Variants in SHANK2 observed in about 807,000 individuals in gnomAD.
SHANK2 encodes SH3 and multiple ankyrin repeat domains 2, also known as SH3 and multiple ankyrin repeat domains protein 2.
A neutral mutation model predicts 133.7 loss-of-function variants in SHANK2; 43 were observed. That is an observed-to-expected ratio of 0.32 (90% CI 0.25 to 0.41). SHANK2 has a LOEUF of 0.41. Among genes scored for constraint, SHANK2 ranks in the 10% least tolerant of loss-of-function variants. SHANK2 has a pLI of 1.00. For synonymous variants in SHANK2, 1,017 were observed against 952.8 expected (o/e 1.07, Z -1.24); for missense variants, 1,994 against 2,235.8 (o/e 0.89, Z 2.18).
Position 70,661,681 on chromosome 11 carries a change from G to A in SHANK2, c.1854-3C>T, listed in dbSNP as rs782281076. ...TCTTCTCCTCAATAATGCAGTCACT[G>A]TAGAGAGAATTCCGGGGACAGCGAC... On this transcript the variant is annotated splice_region_variant and splice_polypyrimidine_tract_variant and intron_variant, in intron 15 of 25. Coordinates refer to ENST00000601538, the MANE Select transcript of SHANK2 (RefSeq NM_012309.5). The A allele has an allele frequency of 3.7e-6, 6 of 1,614,144 alleles. No individual in the cohort carries two copies. The South Asian group carries it at 4.4e-5, about 12-fold the overall frequency.
intron 11 of SHANK2, among the ~76,000 whole-genome samples, chr11:70,846,732 A>C (rs1433291524): frequency 8.5e-5 from 13 of 152,194 alleles, no homozygotes; most frequent in Admixed American, 2.6e-4. Flanking sequence ...GCTCCCGGCC[A>C]CACAGCTGGG....
intron 16 of SHANK2, among the ~76,000 whole-genome samples, chr11:70,660,868 A>G (rs1281724186): frequency 1.3e-5 from 2 of 152,250 alleles, no homozygotes; most frequent in East Asian, 1.9e-4. Flanking sequence ...GTAAGCTCCA[A>G]GATGAAACTT....
chr11:70,764,363 C>T (rs929493219), intron 14 of SHANK2, among the ~76,000 whole-genome samples: 2 of 149,740 alleles, frequency 1.3e-5, no homozygotes, highest in African/African-American at 4.9e-5. Context: ...ACCCACCCAT[C>T]CATCCACATA....
chr11:70,557,708 T>C (rs1417094322), intron 17 of SHANK2, among the ~76,000 whole-genome samples: 9 of 152,264 alleles, frequency 5.9e-5, no homozygotes, highest in African/African-American at 2.2e-4. Context: ...GAAAGCCCCC[T>C]GACCTGGGCT....
chr11:70,611,336 G>C (rs1434516799), intron 17 of SHANK2, among the ~76,000 whole-genome samples: 1 of 152,142 alleles, frequency 6.6e-6, no homozygotes, highest in Non-Finnish European at 1.5e-5. Flanking sequence ...GGTGAGGCGG[G>C]GCCAGCAGCC....
At chr11:70,507,264 T>TATCA (rs1336659012) in intron 17 of SHANK2, among the ~76,000 whole-genome samples, 4 of 152,234 alleles carry the variant, frequency 2.6e-5, no homozygotes, top group Admixed American at 6.5e-5. Context: ...AGAAAACTGC[T>TATCA]ATCACTGCCT....
At chr11:70,783,707 G>C (rs1555045757) in intron 14 of SHANK2, among the ~76,000 whole-genome samples, 1 of 152,152 alleles carries the variant, frequency 6.6e-6, no homozygotes, top group Non-Finnish European at 1.5e-5. Context: ...GGTGGGGTTG[G>C]GGGTGCTGGG....
chr11:70,944,044 T>G (rs562970129), intron 10 of SHANK2: 34 of 445,430 alleles, frequency 7.6e-5, no homozygotes, highest in African/African-American at 6.4e-4. Flanking sequence ...GTGTTTATGC[T>G]ATTATGGCTA....
intron 6 of SHANK2, among the ~76,000 whole-genome samples, chr11:71,106,378 G>C (rs1555097908): frequency 6.6e-6 from 1 of 152,210 alleles, no homozygotes; most frequent in Admixed American, 6.5e-5. Context: ...GAGGTGAGAG[G>C]ACTGCTTGAG....
chr11:70,546,415 A>T (rs1032247921), intron 17 of SHANK2, among the ~76,000 whole-genome samples: 1 of 152,112 alleles, frequency 6.6e-6, no homozygotes, highest in Admixed American at 6.6e-5. Context: ...TCCCCTAAGT[A>T]TCATCTCATT....
rs2058592746 is a variant in SHANK2, at chr11:70,471,099, A to C, written c.*1770T>G. On this transcript the variant is annotated 3_prime_UTR_variant, in exon 26 of 26. Transcript: ENST00000601538. This position sits in a 1 kb window ranked among gnomAD's most constrained non-coding sequence, Gnocchi z 4.1. The stretch of plus-strand genomic sequence containing the variant: ...TTTTTCTTTAACTTTCTAGCACTGA[A>C]GTGGCACAAAGGCTGCCTAGTAGAC... The C allele has an allele frequency of 1.0e-5, 4 of 396,314 alleles. No individual in the cohort carries two copies. The Admixed American group carries it at 1.8e-4, about 18-fold the overall frequency. The allele number at this position is 396,314 out of a possible 1,614,324, so 24.5% of individuals were successfully genotyped here. A position where few individuals can be genotyped will look rare whatever the true frequency, so the allele number is the denominator to read the frequency against.
At chr11:70,754,415 T>G (rs1481849028) in intron 14 of SHANK2, among the ~76,000 whole-genome samples, 2 of 152,214 alleles carry the variant, frequency 1.3e-5, no homozygotes, top group Non-Finnish European at 2.9e-5. Context: ...CATGAGCAAG[T>G]GTGCTTTATC....
Position 70,473,910 on chromosome 11 carries a change from G to GC in SHANK2, c.4980-472dup, listed in dbSNP as rs2058629787. The stretch of plus-strand genomic sequence containing the variant: ...GAACGTGCCAGGCAACATCTCCAGC[G>GC]CCTCAGCTTCAGCAGGTGGGAAGGA... On this transcript the variant is annotated intron_variant, in intron 25 of 25. Coordinates refer to ENST00000601538, the MANE Select transcript of SHANK2 (RefSeq NM_012309.5). This position sits in a 1 kb window ranked among gnomAD's most constrained non-coding sequence, Gnocchi z 5.9. 1 of 248,142 alleles carries GC rather than the reference G, an allele frequency of 4.0e-6. No individual in the cohort carries two copies. The highest frequency in any genetic ancestry group is 2.2e-5 in the African/African-American group (1 of 45,920). The allele number at this position is 248,142 out of a possible 1,614,324, so 15.4% of individuals were successfully genotyped here.
In SHANK2 at chr11:70,485,278, C is replaced by T; in HGVS notation, c.4979+36G>A. On this transcript the variant is annotated intron_variant, in intron 25 of 25. Coordinates refer to ENST00000601538, the MANE Select transcript of SHANK2 (RefSeq NM_012309.5). The surrounding 1 kb of genome is among the most constrained non-coding windows in gnomAD (Gnocchi z 5.8). ...TCCTGGTCAGCAGGGACAGTGCACG[C>T]AGAGCGGTGTGCATGTGCACCAACC... 6.4e-7 allele frequency: 1 copy of T among 1,569,308 alleles called. No individual in the cohort carries two copies.
At position 70,489,787 on chromosome 11, in the gene SHANK2, A is replaced by T. The variant is rs1434131420; in HGVS notation, c.2552-439T>A. 1.4e-5 allele frequency: 4 copies of T among 280,462 alleles called. No individual in the cohort carries two copies. In the Admixed American group the frequency reaches 2.0e-4, roughly 14 times the overall value. 17.4% of individuals were successfully genotyped at this position (280,462 alleles called of 1,614,324 possible). On this transcript the variant is annotated intron_variant, in intron 23 of 25. Transcript: ENST00000601538. ...GGAATAATTGTGACATTAAGAAGAA[A>T]GGAAGGCAGTTTTCTGCAACACACA...
At chr11:70,815,034 G>C (rs1394519858) in intron 12 of SHANK2, among the ~76,000 whole-genome samples, 1 of 152,216 alleles carries the variant, frequency 6.6e-6, no homozygotes, top group African/African-American at 2.4e-5. Context: ...CAGGACAGTG[G>C]TCCAGCAGTG....
At chr11:70,846,264 GTATTAT>G (rs10610192) in intron 11 of SHANK2, among the ~76,000 whole-genome samples, 5,301 of 151,842 alleles carry the variant, frequency 0.035, 267 homozygotes, top group African/African-American at 0.12. Context: ...CTGTAAATTA[GTATTAT>G]TATTATTATT....
chr11:71,136,720 A>G (rs1344100463), intron 3 of SHANK2, among the ~76,000 whole-genome samples: 3 of 152,238 alleles, frequency 2.0e-5, no homozygotes, highest in Admixed American at 2.0e-4. Flanking sequence ...CCACACAGAC[A>G]GAAAGTGGCT....
intron 17 of SHANK2, among the ~76,000 whole-genome samples, chr11:70,508,211 T>C (rs2059158476): frequency 6.6e-6 from 1 of 152,198 alleles, no homozygotes; most frequent in South Asian, 2.1e-4. Flanking sequence ...GGGTGGATGG[T>C]GCCCACGTGC....
Sources: gnomAD v4.1 joint callset for allele counts (sites outside exome capture counted in the v4.1 genomes callset) on GRCh38, gnomAD v4.1.1 for gene constraint, Gnocchi (gnomAD v3.1) non-coding constraint, MANE v1.5 for transcripts, NCBI Gene and HGNC (gene_info 2026-07-23, HGNC 2026-07-21) for gene names.